ITM2B: variants seen among roughly 807,000 people sequenced by gnomAD.
The protein encoded by ITM2B is integral membrane protein 2B.
In ITM2B, 11 loss-of-function variants were observed where a neutral mutation model predicts 27.8. The ratio of observed to expected loss-of-function variants is 0.40; its 90% CI spans 0.25 to 0.66. The LOEUF (loss-of-function observed/expected upper bound fraction) is 0.66, where lower values mean the gene tolerates loss of function less well. ITM2B is among the 30% of genes least tolerant of loss of function. The pLI, the probability that ITM2B is intolerant of heterozygous loss-of-function variation, is 0.43. For synonymous variants in ITM2B, 114 were observed against 114.3 expected (o/e 1.00, Z 0.02); for missense variants, 296 against 328.9 (o/e 0.90, Z 0.77).
chr13:48,255,240 TGTGTGTGTGTGTGTGCGCGCGC>T (rs1390515986), intron 2 of ITM2B, among the ~76,000 whole-genome samples: 1 of 150,528 alleles, frequency 6.6e-6, no homozygotes, highest in African/African-American at 2.5e-5. Context: ...AGTGTGTGTG[TGTGTGTGTGTGTGTGCGCGCGC>T]GTGTGCGTGC....
chr13:48,253,725 T>C (rs770114133), intron 1 of ITM2B, 83 bp from the exon 2 acceptor site: 65 of 1,343,510 alleles, frequency 4.8e-5, no homozygotes, highest in Non-Finnish European at 6.8e-5. Context: ...ATTAAAATGA[T>C]AATCATTAAG....
intron 1 of ITM2B, among the ~76,000 whole-genome samples, chr13:48,243,216 G>A (rs147648417): frequency 6.6e-6 from 1 of 152,274 alleles, no homozygotes; most frequent in African/African-American, 2.4e-5. Context: ...TACCAACTTT[G>A]TAGTTTTGCT....
chr13:48,254,087 TAAACA>T, intron 2 of ITM2B, 151 bp downstream of exon 2: 2 of 746,350 alleles, frequency 2.7e-6, no homozygotes, highest in South Asian at 3.2e-5. Context: ...AAGCTGTGTT[TAAACA>T]TCTCTCCATG....
At chr13:48,259,696 C>CTTTTTTTTTTTTTTTTTTCTT (rs35401842) in intron 5 of ITM2B, among the ~76,000 whole-genome samples, 1 of 129,884 alleles carries the variant, frequency 7.7e-6, no homozygotes, top group Non-Finnish European at 1.7e-5. Context: ...AGCTTGATTT[C>CTTTTTTTTTTTTTTTTTTCTT]TTTTTTTTTT....
intron 5 of ITM2B, among the ~76,000 whole-genome samples, chr13:48,260,765 T>A (rs899950885): frequency 6.6e-6 from 1 of 152,192 alleles, no homozygotes; most frequent in African/African-American, 2.4e-5. Context: ...TAATTTTTTT[T>A]AAAGTCAGCC....
intron 2 of ITM2B, among the ~76,000 whole-genome samples, chr13:48,255,258 C>T (rs769497378): frequency 1.4e-5 from 2 of 147,930 alleles, no homozygotes; most frequent in Non-Finnish European, 3.0e-5. Context: ...TGTGTGTGCG[C>T]GCGCGTGTGC....
In ITM2B at chr13:48,268,329, T is replaced by C. The variant is rs1951864896; in HGVS notation, c.*7105T>C. 6.6e-6 allele frequency: 1 copy of C among 150,634 alleles called. No homozygotes were observed. Among genetic ancestry groups the C allele is most frequent in the African/African-American group, 2.4e-5 (1 of 40,874 alleles). 9.3% of individuals were successfully genotyped at this position (150,634 alleles called of 1,614,324 possible). A position where few individuals can be genotyped will look rare whatever the true frequency, so the allele number is the denominator to read the frequency against. ...TTATTTTTTTTTTTTTGAGACAGAG[T>C]CTGGCTCTGTCAACTCAGGCTGGAG... is the stretch of plus-strand genomic sequence containing the variant. On this transcript the variant is annotated 3_prime_UTR_variant, in exon 6 of 6. Transcript: ENST00000647800.
At chr13:48,238,624 T>A (rs1296176027) in intron 1 of ITM2B, among the ~76,000 whole-genome samples, 2 of 152,234 alleles carry the variant, frequency 1.3e-5, no homozygotes, top group Non-Finnish European at 2.9e-5. Flanking sequence ...ACAGCTTATA[T>A]ATAATACCAC....
intron 1 of ITM2B, among the ~76,000 whole-genome samples, chr13:48,246,454 T>C: frequency 6.6e-6 from 1 of 152,364 alleles, no homozygotes; most frequent in East Asian, 1.9e-4. Context: ...ATGTTTGATG[T>C]CCTCATGGAT....
At chr13:48,246,397 G>A (rs772308075) in intron 1 of ITM2B, among the ~76,000 whole-genome samples, 1 of 152,178 alleles carries the variant, frequency 6.6e-6, no homozygotes, top group African/African-American at 2.4e-5. Context: ...AAATTAAAAA[G>A]CAAAATTCAG....
At chr13:48,236,928 A>G (rs1951671994) in intron 1 of ITM2B, among the ~76,000 whole-genome samples, 1 of 152,226 alleles carries the variant, frequency 6.6e-6, no homozygotes, top group Admixed American at 6.5e-5. Flanking sequence ...GTGCTGATAT[A>G]GGAGAGAAAA....
intron 1 of ITM2B, among the ~76,000 whole-genome samples, chr13:48,248,176 C>T (rs1208480894): frequency 4.6e-5 from 7 of 151,964 alleles, no homozygotes; most frequent in African/African-American, 1.7e-4. Context: ...TCTTAAATAT[C>T]ACATACTTAC....
chr13:48,249,725 T>C (rs1038145184), intron 1 of ITM2B, among the ~76,000 whole-genome samples: 2 of 152,176 alleles, frequency 1.3e-5, no homozygotes, highest in African/African-American at 2.4e-5. Context: ...GTTTCACCAT[T>C]AAGTATGAGG....
rs993673175 is a variant in ITM2B at position 48,237,985 on chromosome 13, A to G, written c.117+4508A>G. Among the ~76,000 whole-genome samples the G allele has an allele frequency of 2.0e-5, 3 of 152,204 alleles. No homozygotes were observed. In the East Asian group the frequency reaches 5.8e-4, roughly 29 times the overall value. ...GGCATTTTATTAGAGCTTAAAGACTAAAGGAAAAGAAATTAAGGACTTTAG... is the reference window on the plus strand; with the variant it reads ...GGCATTTTATTAGAGCTTAAAGACTGAAGGAAAAGAAATTAAGGACTTTAG... On this transcript the variant is annotated intron_variant, in intron 1 of 5. Coordinates refer to ENST00000647800, the MANE Select transcript of ITM2B (RefSeq NM_021999.5).
chr13:48,233,254 C>G lies in ITM2B; in HGVS notation c.-107C>G. On this transcript the variant is annotated 5_prime_UTR_variant, in exon 1 of 6. Coordinates refer to ENST00000647800, the MANE Select transcript of ITM2B (RefSeq NM_021999.5). ...AGCTTCCCGAACCTCTTCAGCCGCC[C>G]GGAGCCGCTCCCGGAGCCCGGCCGT... The G allele has an allele frequency of 1.5e-6, 1 of 649,996 alleles. No homozygotes were observed. The highest frequency in any genetic ancestry group is 2.5e-6 in the Non-Finnish European group (1 of 397,506). 40.3% of individuals were successfully genotyped at this position (649,996 alleles called of 1,614,324 possible). A position where few individuals can be genotyped will look rare whatever the true frequency, so the allele number is the denominator to read the frequency against.
chr13:48,246,323 C>G (rs549354122), intron 1 of ITM2B, among the ~76,000 whole-genome samples: 1 of 152,294 alleles, frequency 6.6e-6, no homozygotes, highest in South Asian at 2.1e-4. Context: ...TTTTATGTGT[C>G]AAACATTTAT....
At chr13:48,239,893 A>G (rs1951690054) in intron 1 of ITM2B, among the ~76,000 whole-genome samples, 2 of 152,048 alleles carry the variant, frequency 1.3e-5, no homozygotes, top group South Asian at 2.1e-4. Context: ...TGATTTTTAT[A>G]TTTTTTAATG....
chr13:48,256,450 A>C lies in ITM2B; in HGVS notation c.453+67A>C. 5.1e-6 allele frequency: 6 copies of C among 1,185,658 alleles called. No individual in the cohort carries two copies. In the South Asian group the frequency reaches 7.4e-5, roughly 15 times the overall value. The allele number at this position is 1,185,658 out of a possible 1,614,324, so 73.4% of individuals were successfully genotyped here. A position where few individuals can be genotyped will look rare whatever the true frequency, so the allele number is the denominator to read the frequency against. On this transcript the variant is annotated intron_variant, in intron 3 of 5. Coordinates refer to ENST00000647800, the MANE Select transcript of ITM2B (RefSeq NM_021999.5). ...GTAGTTTATGCTTTTTGTAGTTTTA[A>C]TTTCAATATTTGCTAATTTATTATA...
chr13:48,249,784 A>G (rs1951742979), intron 1 of ITM2B, among the ~76,000 whole-genome samples: 2 of 151,794 alleles, frequency 1.3e-5, no homozygotes, highest in Admixed American at 1.3e-4. Context: ...AAAGAATTTC[A>G]CCCTTTGCTA....
Sources: allele counts gnomAD v4.1 joint callset (sites outside exome capture counted in the v4.1 genomes callset), GRCh38; gene constraint gnomAD v4.1.1; transcripts MANE v1.5; gene names NCBI Gene and HGNC (gene_info 2026-07-23, HGNC 2026-07-21).